AGBL4: variants seen among roughly 807,000 people sequenced by gnomAD.
AGBL4 encodes the protein AGBL carboxypeptidase 4, also known as cytosolic carboxypeptidase 6.
Under a neutral mutation model 66.4 loss-of-function variants are expected in AGBL4, and 58 were observed. That is an observed-to-expected ratio of 0.87 (90% CI 0.71 to 1.09). AGBL4 has a LOEUF of 1.09. AGBL4 is among the 50% of genes least tolerant of loss of function. The pLI is 0.00. For missense variants in AGBL4, 579 were observed against 631.0 expected, an observed-to-expected ratio of 0.92 and a Z score of 0.88; for synonymous variants, 234 against 222.9, an observed-to-expected ratio of 1.05 and a Z score of -0.44.
At chr1:49,516,716 T>A (rs997753401) in intron 3 of AGBL4, among the ~76,000 whole-genome samples, 1 of 152,056 alleles carries the variant, frequency 6.6e-6, no homozygotes, top group Admixed American at 6.6e-5. Context: ...GAGGAAGTGC[T>A]GTGTCTAGGA....
intron 5 of AGBL4, among the ~76,000 whole-genome samples, chr1:48,967,095 C>A (rs1469876150): frequency 2.0e-5 from 3 of 151,854 alleles, no homozygotes; most frequent in African/African-American, 7.3e-5. Context: ...ACTTCATTGG[C>A]AGAGTTTTCT....
At chr1:49,675,114 G>T (rs759054601) in intron 3 of AGBL4, among the ~76,000 whole-genome samples, 6 of 152,046 alleles carry the variant, frequency 3.9e-5, no homozygotes, top group Non-Finnish European at 8.8e-5. Context: ...AGTCCCTATG[G>T]ATCATCTAAT....
chr1:49,362,237 T>A (rs1309120290), intron 3 of AGBL4, among the ~76,000 whole-genome samples: 1 of 152,090 alleles, frequency 6.6e-6, no homozygotes, highest in Non-Finnish European at 1.5e-5. Context: ...TGGAAAACAC[T>A]ACAGAGAACC....
chr1:49,551,680 C>T (rs1011960458), intron 3 of AGBL4, among the ~76,000 whole-genome samples: 5 of 152,198 alleles, frequency 3.3e-5, no homozygotes, highest in African/African-American at 1.2e-4. Flanking sequence ...GACACCATCA[C>T]CTGTTCCAGT....
intron 3 of AGBL4, among the ~76,000 whole-genome samples, chr1:49,347,880 C>A (rs527753871): frequency 7.5e-4 from 113 of 151,580 alleles, no homozygotes; most frequent in African/African-American, 2.6e-3. Context: ...ACAGCAACAA[C>A]AAAAAAACTT....
At chr1:48,580,198 AAG>A (rs1644718483) in intron 11 of AGBL4, among the ~76,000 whole-genome samples, 1 of 152,170 alleles carries the variant, frequency 6.6e-6, no homozygotes, top group Admixed American at 6.5e-5. Context: ...AAGGAACCAT[AAG>A]CAACTGAACT....
chr1:49,787,525 A>C (rs1001309746), intron 2 of AGBL4, among the ~76,000 whole-genome samples: 8 of 152,004 alleles, frequency 5.3e-5, no homozygotes, highest in Non-Finnish European at 1.2e-4. Flanking sequence ...AAAAAATTGA[A>C]ACCAACCCCA....
At chr1:49,762,173 G>A (rs1331754844) in intron 2 of AGBL4, among the ~76,000 whole-genome samples, 2 of 152,078 alleles carry the variant, frequency 1.3e-5, no homozygotes, top group Admixed American at 6.6e-5. Flanking sequence ...CATAGTGGCT[G>A]TATTAATTTC....
intron 4 of AGBL4, among the ~76,000 whole-genome samples, chr1:49,088,078 A>T (rs987389164): frequency 6.6e-5 from 10 of 152,210 alleles, no homozygotes; most frequent in African/African-American, 2.4e-4. Context: ...AGAGGTCCTT[A>T]AGGGAGTGCT....
intron 6 of AGBL4, among the ~76,000 whole-genome samples, chr1:48,679,924 T>C (rs1251898112): frequency 1.3e-5 from 2 of 152,214 alleles, no homozygotes; most frequent in Non-Finnish European, 2.9e-5. Flanking sequence ...ACTGCTGTCC[T>C]CTGTGTGCTA....
At chr1:49,102,779 T>G (rs2148004702) in intron 4 of AGBL4, among the ~76,000 whole-genome samples, 1 of 152,316 alleles carries the variant, frequency 6.6e-6, no homozygotes, top group South Asian at 2.1e-4. Flanking sequence ...ACAAGCCATA[T>G]ATAGCATATA....
chr1:49,286,610 C>T (rs1644416068), intron 3 of AGBL4, among the ~76,000 whole-genome samples: 1 of 151,834 alleles, frequency 6.6e-6, no homozygotes, highest in African/African-American at 2.4e-5. Flanking sequence ...CTCCCGTTCA[C>T]AATTGCTTCA....
At chr1:49,806,684 T>C (rs1388106194) in intron 2 of AGBL4, among the ~76,000 whole-genome samples, 4 of 152,150 alleles carry the variant, frequency 2.6e-5, no homozygotes, top group Non-Finnish European at 5.9e-5. Flanking sequence ...TATGGAAGAA[T>C]GATCCCAAAG....
chr1:49,403,475 T>C (rs144344649), intron 3 of AGBL4, among the ~76,000 whole-genome samples: 198 of 152,328 alleles, frequency 1.3e-3, no homozygotes, highest in African/African-American at 4.5e-3. Flanking sequence ...ATTTATCTGT[T>C]AGAATTCTAA....
chr1:48,667,665 T>C (rs1646210404), intron 6 of AGBL4, among the ~76,000 whole-genome samples: 1 of 152,260 alleles, frequency 6.6e-6, no homozygotes, highest in African/African-American at 2.4e-5. Context: ...ACTATATTTC[T>C]CCTAGTTGCT....
At chr1:49,541,193 A>G (rs1570982827) in intron 3 of AGBL4, among the ~76,000 whole-genome samples, 2 of 151,952 alleles carry the variant, frequency 1.3e-5, no homozygotes, top group Non-Finnish European at 2.9e-5. Context: ...GCCCTCACTC[A>G]CTCTCGGCAC....
intron 4 of AGBL4, among the ~76,000 whole-genome samples, chr1:49,124,481 C>G (rs945722824): frequency 6.6e-6 from 1 of 152,140 alleles, no homozygotes; most frequent in African/African-American, 2.4e-5. Flanking sequence ...ATTTGCCAAC[C>G]CTGACCGTAG....
chr1:49,858,260 A>G (rs2148077231), intron 1 of AGBL4, among the ~76,000 whole-genome samples: 1 of 152,302 alleles, frequency 6.6e-6, no homozygotes, highest in African/African-American at 2.4e-5. Flanking sequence ...CTTGTATACC[A>G]TTACAAGAAA....
intron 2 of AGBL4, among the ~76,000 whole-genome samples, chr1:49,828,381 T>C (rs1645566058): frequency 6.6e-6 from 1 of 152,158 alleles, no homozygotes; most frequent in Admixed American, 6.6e-5. Context: ...AAGGCCTCTC[T>C]GAGGAAGCAA....
Sources: allele counts gnomAD v4.1 joint callset (sites outside exome capture counted in the v4.1 genomes callset), GRCh38; gene constraint gnomAD v4.1.1; transcripts MANE v1.5; gene names NCBI Gene and HGNC (gene_info 2026-07-23, HGNC 2026-07-21).